Variants in KDM2B observed in about 807,000 individuals in gnomAD.
KDM2B encodes the protein lysine-specific demethylase 2B.
In KDM2B, 26 loss-of-function variants were observed where a neutral mutation model predicts 150.0. The observed-to-expected ratio is 0.17, with a 90% CI of 0.13 to 0.24. The LOEUF is 0.24. Among genes scored for constraint, KDM2B ranks in the 10% least tolerant of loss-of-function variants. The pLI is 1.00. For synonymous variants in KDM2B, 734 were observed against 729.5 expected (o/e 1.01, Z -0.10); for missense variants, 1,265 against 1,816.9 (o/e 0.70, Z 5.52).
intron 9 of KDM2B, among the ~76,000 whole-genome samples, chr12:121,519,462 A>G (rs928520066): frequency 6.6e-6 from 1 of 152,248 alleles, no homozygotes; most frequent in Non-Finnish European, 1.5e-5. Flanking sequence ...AAAGGAATGA[A>G]GCTCTGGCAC....
At chr12:121,443,092 G>C in intron 17 of KDM2B, 62 bp from the exon 18 acceptor site, 1 of 1,503,448 alleles carries the variant, frequency 6.7e-7, no homozygotes, top group African/African-American at 1.4e-5. Context: ...TGGTCTCCTC[G>C]ACACCCCACC....
At position 121,441,116 on chromosome 12, in the gene KDM2B, G is replaced by A. The variant is rs1874946626; in HGVS notation, c.3402C>T (p.Thr1134=). 2 of 1,614,212 alleles carry A rather than the reference G, an allele frequency of 1.2e-6. No homozygotes were observed. Among genetic ancestry groups the A allele is most frequent in the East Asian group, 4.5e-5 (2 of 44,888 alleles). ...RQPVSLDLSW[T]NISKKQLSWL... Reference sequence around the variant, plus strand: ...AGCTCAGCTGCTTCTTGGAGATATTGGTCCAGCTGAGGTCGAGGGAGACGG... The same window carrying A: ...AGCTCAGCTGCTTCTTGGAGATATTAGTCCAGCTGAGGTCGAGGGAGACGG... Residue 1134 remains threonine (T), a synonymous_variant, in exon 20 of 23, where the codon ACC becomes ACT. Coordinates refer to ENST00000377071, the MANE Select transcript of KDM2B (RefSeq NM_032590.5).
intron 21 of KDM2B, 30 bp from the exon 22 acceptor site, chr12:121,440,105 G>T: frequency 3.9e-6 from 6 of 1,544,370 alleles, no homozygotes; most frequent in Non-Finnish European, 5.3e-6. Context: ...GGGGCAACCC[G>T]TCAATCTGAC....
chr12:121,480,442 G>GA (rs1249699840), intron 12 of KDM2B, among the ~76,000 whole-genome samples: 2 of 152,028 alleles, frequency 1.3e-5, no homozygotes, highest in South Asian at 2.1e-4. Flanking sequence ...TGTATTAAAA[G>GA]AGAGAATTAA....
intron 12 of KDM2B, among the ~76,000 whole-genome samples, chr12:121,486,687 G>C (rs1882803439): frequency 6.6e-6 from 1 of 152,124 alleles, no homozygotes; most frequent in Non-Finnish European, 1.5e-5. Flanking sequence ...TCGGGAGGCT[G>C]AGGCAGGAGA....
intron 11 of KDM2B, among the ~76,000 whole-genome samples, chr12:121,506,495 C>A (rs782614652): frequency 6.6e-6 from 1 of 152,124 alleles, no homozygotes; most frequent in Non-Finnish European, 1.5e-5. Context: ...TTTACAAGCT[C>A]TTCAGCCTGA....
At chr12:121,503,824 C>A (rs1442264623) in intron 11 of KDM2B, among the ~76,000 whole-genome samples, 1 of 152,226 alleles carries the variant, frequency 6.6e-6, no homozygotes, top group East Asian at 1.9e-4. Flanking sequence ...AGTGAGGACA[C>A]TGCAGTTTCA....
Position 121,467,853 on chromosome 12 carries a change from C to A in KDM2B, c.1735-14509G>T, listed in dbSNP as rs1024518836. On this transcript the variant is annotated intron_variant, in intron 12 of 22. Coordinates refer to ENST00000377071, the MANE Select transcript of KDM2B (RefSeq NM_032590.5). The surrounding 1 kb of genome is among the most constrained non-coding windows in gnomAD (Gnocchi z 5.1). Reference sequence around the variant, plus strand: ...TGCCGGGTTTGCACTCGCTGCAGGACCAGGACCTGAAGCGCACGAACCCGG... The same window carrying A: ...TGCCGGGTTTGCACTCGCTGCAGGAACAGGACCTGAAGCGCACGAACCCGG... 5 of 152,494 alleles carry A rather than the reference C, an allele frequency of 3.3e-5. No individual in the cohort carries two copies. The East Asian group carries it at 9.6e-4, about 29-fold the overall frequency. The allele number at this position is 152,494 out of a possible 1,614,324, so 9.4% of individuals were successfully genotyped here.
the KDM2B span, among the ~76,000 whole-genome samples, chr12:121,421,371 TAAAAAAAAAAAAAA>T: frequency 2.6e-4 from 12 of 46,378 alleles, no homozygotes; most frequent in Non-Finnish European, 4.8e-4. Flanking sequence ...ATCCCATCTC[TAAAAAAAAAAAAAA>T]AAAAAAAAAA....
rs1877752371 is a variant in KDM2B, at chr12:121,453,807, G to A, written c.1735-463C>T. Among the ~76,000 whole-genome samples, 1 of 152,162 alleles carries A rather than the reference G, an allele frequency of 6.6e-6. No individual in the cohort carries two copies. On this transcript the variant is annotated intron_variant, in intron 12 of 22. Coordinates refer to ENST00000377071, the MANE Select transcript of KDM2B (RefSeq NM_032590.5). This position sits in a 1 kb window ranked among gnomAD's most constrained non-coding sequence, Gnocchi z 6.4. ...CCTGGCCTCCAGAACCGGGAGAGAA[G>A]AAAGGCCGGTTGTTTTAAGCCACCC...
chr12:121,560,733 T>C (rs2136240886), intron 4 of KDM2B, among the ~76,000 whole-genome samples: 1 of 152,248 alleles, frequency 6.6e-6, no homozygotes, highest in Admixed American at 6.5e-5. Context: ...CCCGGTCTGA[T>C]CTGCCACAGG....
intron 11 of KDM2B, among the ~76,000 whole-genome samples, chr12:121,499,417 G>A (rs1323245077): frequency 2.0e-5 from 3 of 150,550 alleles, no homozygotes; most frequent in East Asian, 2.0e-4. Flanking sequence ...CACCACACCC[G>A]GCCAATAATT....
rs548730179 is a variant in KDM2B at position 121,520,832 on chromosome 12, C to A, written c.1047+153G>T. Among the ~76,000 whole-genome samples, 1 of 151,976 alleles carries A rather than the reference C, an allele frequency of 6.6e-6. No homozygotes were observed. Among genetic ancestry groups the A allele is most frequent in the South Asian group, 2.1e-4 (1 of 4,818 alleles). ...AGGCATTCCCCTGCCCCCCCTCCCC[C>A]GCCACAGAACCAGGACTGAAGCCAG... On this transcript the variant is annotated intron_variant, in intron 9 of 22. Transcript: ENST00000377071. The surrounding 1 kb of genome is among the most constrained non-coding windows in gnomAD (Gnocchi z 4.5).
the KDM2B span, among the ~76,000 whole-genome samples, chr12:121,410,321 G>T: frequency 6.6e-6 from 1 of 152,026 alleles, no homozygotes; most frequent in African/African-American, 2.4e-5. Context: ...GGCGGATTAC[G>T]AGGTCAGGAG....
intron 4 of KDM2B, among the ~76,000 whole-genome samples, chr12:121,565,647 T>C (rs781798024): frequency 1.3e-5 from 2 of 149,850 alleles, no homozygotes; most frequent in Non-Finnish European, 3.0e-5. Context: ...TTTTCTGAGA[T>C]GGAGTCTCGT....
chr12:121,449,650 A>C (rs746171869), intron 13 of KDM2B, among the ~76,000 whole-genome samples: 2 of 152,226 alleles, frequency 1.3e-5, no homozygotes, highest in Non-Finnish European at 2.9e-5. Context: ...TTACTGGCAC[A>C]CATTGGGTTT....
chr12:121,508,906 G>C (rs1885327783), intron 11 of KDM2B, among the ~76,000 whole-genome samples: 1 of 152,188 alleles, frequency 6.6e-6, no homozygotes, highest in Non-Finnish European at 1.5e-5. Context: ...GGACAGCGAG[G>C]CTTCCTGACA....
intron 22 of KDM2B, among the ~76,000 whole-genome samples, chr12:121,439,040 G>A (rs573392168): frequency 3.9e-5 from 6 of 152,250 alleles, no homozygotes; most frequent in African/African-American, 1.2e-4. Flanking sequence ...CAAGTGCAGC[G>A]AGCGAAGATC....
At chr12:121,545,957 A>C (rs1477003773) in intron 6 of KDM2B, among the ~76,000 whole-genome samples, 1 of 152,012 alleles carries the variant, frequency 6.6e-6, no homozygotes. Flanking sequence ...TCTTCACCTA[A>C]GTAACCCTGC....
Sources: allele counts gnomAD v4.1 joint callset (sites outside exome capture counted in the v4.1 genomes callset), GRCh38; gene constraint gnomAD v4.1.1; non-coding constraint Gnocchi (gnomAD v3.1); transcripts MANE v1.5; gene names NCBI Gene and HGNC (gene_info 2026-07-23, HGNC 2026-07-21).